RALGAPA1: variants seen among roughly 807,000 people sequenced by gnomAD.
The protein encoded by RALGAPA1 is Ral GTPase activating protein catalytic subunit alpha 1, also known as ral GTPase-activating protein subunit alpha-1.
RALGAPA1 carries 52 observed loss-of-function variants against 269.6 expected under a neutral mutation model. That is an observed-to-expected ratio of 0.19 (90% CI 0.15 to 0.24). RALGAPA1 has a LOEUF of 0.24. Ranked by LOEUF, RALGAPA1 falls within the 10% of genes least tolerant of loss-of-function variation. The pLI is 1.00. For synonymous variants in RALGAPA1, 817 were observed against 1,008.3 expected, an observed-to-expected ratio of 0.81 and a Z score of 3.60; for missense variants, 1,917 against 3,013.9, an observed-to-expected ratio of 0.64 and a Z score of 8.52.
At chr14:35,569,578 G>C (rs1352760522) in intron 39 of RALGAPA1, among the ~76,000 whole-genome samples, 1 of 152,114 alleles carries the variant, frequency 6.6e-6, no homozygotes, top group African/African-American at 2.4e-5. Flanking sequence ...TTTGAGTTTA[G>C]GCAATCTGGC....
chr14:35,627,814 T>A lies in RALGAPA1; in HGVS notation c.6133A>T (p.Asn2045Tyr). 1 of 1,575,746 alleles carries A rather than the reference T, an allele frequency of 6.3e-7. No homozygotes were observed. The change falls in exon 34 of 42, where the codon AAT (asparagine) becomes TAT (tyrosine). Residue 2045 changes from asparagine to tyrosine, a missense_variant. Coordinates refer to ENST00000680220, the MANE Select transcript of RALGAPA1 (RefSeq NM_001346249.2). ...AGTTCAGTACTTTCACTGTAATGAT[T>A]GTCGTGATTTTCACACACCTGACTT... is the stretch of plus-strand genomic sequence containing the variant. ...LTSQVCENHD[N>Y]HYSESTELSP...
At position 35,806,933 on chromosome 14, in the gene RALGAPA1, TTTG is replaced by T. The variant is rs572125443; in HGVS notation, c.106+1794_106+1796del. Reference sequence around the variant, plus strand: ...TAACGACAACAATAAAAGACTTGTTTTTGTTTTGTTTTGTTTTCAAACCAAGCA... The same window carrying T: ...TAACGACAACAATAAAAGACTTGTTTTTTTGTTTTGTTTTCAAACCAAGCA... On this transcript the variant is annotated intron_variant, in intron 1 of 41. Transcript: ENST00000680220. Among the ~76,000 whole-genome samples the T allele has an allele frequency of 1.7e-3, 262 of 152,332 alleles. 1 individual carries two copies. The highest frequency in any genetic ancestry group is 2.2e-3 in the Admixed American group (34 of 15,302).
At chr14:35,639,878 G>T (rs1273207090) in intron 31 of RALGAPA1, among the ~76,000 whole-genome samples, 1 of 151,660 alleles carries the variant, frequency 6.6e-6, no homozygotes, top group African/African-American at 2.4e-5. Flanking sequence ...GGCAGAGCTT[G>T]CAGTGAGTCA....
At chr14:35,791,143 T>C (rs1305428898) in intron 1 of RALGAPA1, among the ~76,000 whole-genome samples, 1 of 152,088 alleles carries the variant, frequency 6.6e-6, no homozygotes, top group African/African-American at 2.4e-5. Flanking sequence ...TGAAGTATAA[T>C]AGCAGCAACA....
intron 35 of RALGAPA1, among the ~76,000 whole-genome samples, chr14:35,624,237 G>T (rs10131796): frequency 0.12 from 16,747 of 136,358 alleles, 1,102 homozygotes; most frequent in Middle Eastern, 0.16. Context: ...AAGGAGTCCA[G>T]TGTTATATAG....
chr14:35,667,172 C>A (rs765460966), intron 26 of RALGAPA1, among the ~76,000 whole-genome samples: 1 of 152,058 alleles, frequency 6.6e-6, no homozygotes, highest in Non-Finnish European at 1.5e-5. Flanking sequence ...GAGGCTGAGG[C>A]GGGCGGATCA....
chr14:35,801,177 GAC>G (rs2076946561), intron 1 of RALGAPA1, among the ~76,000 whole-genome samples: 1 of 150,748 alleles, frequency 6.6e-6, no homozygotes, highest in Non-Finnish European at 1.5e-5. Context: ...GGAAAAGAAA[GAC>G]AAATTATCAG....
chr14:35,748,861 T>C, intron 9 of RALGAPA1, 37 bp from the exon 10 acceptor site: 1 of 1,538,886 alleles, frequency 6.5e-7, no homozygotes, highest in Non-Finnish European at 8.7e-7. Context: ...AGAGAAACAA[T>C]ATCATAATCA....
In RALGAPA1 at chr14:35,750,588, C is replaced by T. The variant is rs1281654347; in HGVS notation, c.905G>A (p.Arg302His). ...AACCAGCCAACGAATGACAATAACA[C>T]GAGCCTTAATGAAAGGCTCCTTTGT... ...YCTKEPFIKA[R>H]VIVIRWLVSF... Residue 302 changes from arginine to histidine, a missense_variant, in exon 9 of 42, where the codon CGT (arginine) becomes CAT (histidine). By Grantham distance (29) the Arg-to-His change is conservative. Coordinates refer to ENST00000680220, the MANE Select transcript of RALGAPA1 (RefSeq NM_001346249.2). 4.3e-6 allele frequency: 7 copies of T among 1,611,854 alleles called. No homozygotes were observed. The highest frequency in any genetic ancestry group is 1.1e-5 in the South Asian group (1 of 91,028).
chr14:35,780,309 A>T (rs2075344410), intron 1 of RALGAPA1, among the ~76,000 whole-genome samples: 1 of 152,200 alleles, frequency 6.6e-6, no homozygotes, highest in Admixed American at 6.5e-5. Flanking sequence ...CTCTACTTTC[A>T]ATAATGAATA....
At chr14:35,675,593 C>A (rs910832753) in intron 22 of RALGAPA1, among the ~76,000 whole-genome samples, 3 of 152,184 alleles carry the variant, frequency 2.0e-5, no homozygotes, top group African/African-American at 7.2e-5. Flanking sequence ...TAGTCTCTTT[C>A]TGCTACTAAT....
intron 24 of RALGAPA1, 132 bp from the exon 25 acceptor site, chr14:35,673,154 A>G: frequency 1.0e-6 from 1 of 990,084 alleles, no homozygotes; most frequent in East Asian, 3.3e-5. Context: ...TTAATGAACT[A>G]AAATTCAGGA....
At position 35,808,656 on chromosome 14, in the gene RALGAPA1, G is replaced by A. The variant is rs2077547094; in HGVS notation, c.106+74C>T. On this transcript the variant is annotated intron_variant, in intron 1 of 41. Coordinates refer to ENST00000680220, the MANE Select transcript of RALGAPA1 (RefSeq NM_001346249.2). ...CTGCACCGCGCCAGGTCCCGAGAGA[G>A]AGTCCGCAGGGGCTCCCAGGAGAGG... The A allele has an allele frequency of 3.3e-6, 5 of 1,496,342 alleles. No homozygotes were observed. In the East Asian group the frequency reaches 1.2e-4, roughly 36 times the overall value. The allele number at this position is 1,496,342 out of a possible 1,614,324, so 92.7% of individuals were successfully genotyped here.
chr14:35,636,082 G>GT (rs76860385), intron 31 of RALGAPA1, among the ~76,000 whole-genome samples: 20,071 of 151,038 alleles, frequency 0.13, 2,264 homozygotes, highest in East Asian at 0.31. Flanking sequence ...TTTTGTTTTT[G>GT]TTTTTTTTCA....
intron 1 of RALGAPA1, among the ~76,000 whole-genome samples, chr14:35,800,589 G>A (rs1256579701): frequency 6.6e-6 from 1 of 152,160 alleles, no homozygotes; most frequent in Non-Finnish European, 1.5e-5. Flanking sequence ...CTAGTTAGGG[G>A]AAAATTTTTT....
chr14:35,567,185 C>T (rs2056783739), intron 39 of RALGAPA1, among the ~76,000 whole-genome samples: 1 of 151,908 alleles, frequency 6.6e-6, no homozygotes, highest in Non-Finnish European at 1.5e-5. Context: ...TTACTATTTT[C>T]ATCAATTTTC....
intron 1 of RALGAPA1, among the ~76,000 whole-genome samples, chr14:35,780,021 C>T (rs1194143973): frequency 1.3e-5 from 2 of 151,920 alleles, no homozygotes; most frequent in East Asian, 1.9e-4. Context: ...GCAGCATAAT[C>T]GCTTGAACCC....
intron 10 of RALGAPA1, among the ~76,000 whole-genome samples, chr14:35,745,687 C>T (rs949819271): frequency 2.0e-5 from 3 of 148,004 alleles, no homozygotes; most frequent in Admixed American, 6.8e-5. Flanking sequence ...CTACTTGAAC[C>T]CGGGAGGCAG....
intron 36 of RALGAPA1, among the ~76,000 whole-genome samples, chr14:35,603,392 G>A (rs2139158996): frequency 6.6e-6 from 1 of 152,160 alleles, no homozygotes; most frequent in South Asian, 2.1e-4. Context: ...GGGTAAAAAA[G>A]TATACTACAC....
Sources: allele counts gnomAD v4.1 joint callset (sites outside exome capture counted in the v4.1 genomes callset), GRCh38; gene constraint gnomAD v4.1.1; transcripts MANE v1.5; gene names NCBI Gene and HGNC (gene_info 2026-07-23, HGNC 2026-07-21).